Variants in TMEFF1 observed in about 807,000 individuals in gnomAD.
TMEFF1 encodes the protein transmembrane protein with EGF like and two follistatin like domains 1.
TMEFF1 carries 20 observed loss-of-function variants against 47.5 expected under a neutral mutation model. The observed-to-expected ratio is 0.42, with a 90% CI of 0.30 to 0.61. TMEFF1 has a LOEUF of 0.61. Among genes scored for constraint, TMEFF1 ranks in the 20% least tolerant of loss-of-function variants. TMEFF1 has a pLI of 0.19. For synonymous variants in TMEFF1, 162 were observed against 166.3 expected (o/e 0.97, Z 0.20); for missense variants, 411 against 471.1 (o/e 0.87, Z 1.18).
chr9:100,512,608 A>G (rs1407808535), intron 3 of TMEFF1, among the ~76,000 whole-genome samples: 1 of 152,144 alleles, frequency 6.6e-6, no homozygotes, highest in African/African-American at 2.4e-5. Flanking sequence ...TTCTGTGCTA[A>G]TATGTTGGTT....
chr9:100,491,862 C>A (rs1056006271), intron 1 of TMEFF1, among the ~76,000 whole-genome samples: 3 of 148,504 alleles, frequency 2.0e-5, no homozygotes, highest in Non-Finnish European at 4.5e-5. Context: ...TATAATTTTT[C>A]TTTGAGAATA....
At chr9:100,542,024 T>G (rs1347394109) in intron 5 of TMEFF1, among the ~76,000 whole-genome samples, 1 of 152,166 alleles carries the variant, frequency 6.6e-6, no homozygotes. Flanking sequence ...GAAAATGTGG[T>G]CAACTTAAAT....
chr9:100,532,797 A>T (rs539697089), intron 5 of TMEFF1, among the ~76,000 whole-genome samples: 87 of 152,246 alleles, frequency 5.7e-4, no homozygotes, highest in Non-Finnish European at 1.1e-3. Context: ...ACGTATGTTT[A>T]TTGCGTCATT....
intron 5 of TMEFF1, among the ~76,000 whole-genome samples, chr9:100,524,792 CG>C (rs989658422): frequency 6.6e-6 from 1 of 152,058 alleles, no homozygotes; most frequent in African/African-American, 2.4e-5. Context: ...ATGTGCACAA[CG>C]TGCAGATTTG....
At chr9:100,575,394 C>A (rs1030491316) in intron 9 of TMEFF1, among the ~76,000 whole-genome samples, 2 of 152,146 alleles carry the variant, frequency 1.3e-5, no homozygotes, top group African/African-American at 4.8e-5. Flanking sequence ...GATTTAAAAA[C>A]CATGGCACTA....
At chr9:100,572,436 T>C (rs1839259906) in intron 8 of TMEFF1, 82 bp from the exon 9 acceptor site, 1 of 1,384,244 alleles carries the variant, frequency 7.2e-7, no homozygotes, top group Non-Finnish European at 9.4e-7. Context: ...ATTTTATTAC[T>C]ATTTTGTATT....
At chr9:100,521,733 C>G (rs978198131) in intron 5 of TMEFF1, among the ~76,000 whole-genome samples, 2 of 152,346 alleles carry the variant, frequency 1.3e-5, no homozygotes, top group South Asian at 4.1e-4. Flanking sequence ...GTAGAATCAT[C>G]AGGCCTAATG....
At chr9:100,552,575 G>A (rs1446718499) in intron 7 of TMEFF1, among the ~76,000 whole-genome samples, 1 of 152,178 alleles carries the variant, frequency 6.6e-6, no homozygotes, top group Non-Finnish European at 1.5e-5. Flanking sequence ...TGGATATAGA[G>A]GTGATAACTG....
chr9:100,488,210 T>G (rs573989086), intron 1 of TMEFF1, among the ~76,000 whole-genome samples: 1 of 152,338 alleles, frequency 6.6e-6, no homozygotes, highest in Admixed American at 6.5e-5. Context: ...TATAACTGTA[T>G]GTATAGTTTT....
intron 5 of TMEFF1, among the ~76,000 whole-genome samples, chr9:100,536,553 A>T (rs1257009808): frequency 1.3e-5 from 2 of 152,242 alleles, no homozygotes; most frequent in Non-Finnish European, 2.9e-5. Context: ...TAATTTTGGT[A>T]ATGGGCAAGC....
intron 1 of TMEFF1, among the ~76,000 whole-genome samples, chr9:100,485,486 A>G (rs1238013139): frequency 1.3e-5 from 2 of 152,242 alleles, no homozygotes; most frequent in African/African-American, 2.4e-5. Context: ...ATGTGTGAAC[A>G]TTCCATTTTC....
At position 100,473,579 on chromosome 9, in the gene TMEFF1, T is replaced by C. The variant is rs745939497; in HGVS notation, c.35T>C (p.Leu12Pro). 9.0e-6 allele frequency: 14 copies of C among 1,547,602 alleles called. No individual in the cohort carries two copies. Among genetic ancestry groups the C allele is most frequent in the Non-Finnish European group, 1.2e-5 (14 of 1,148,868 alleles). The change falls in exon 1 of 10, where the codon CTG (leucine) becomes CCG (proline). Residue 12 changes from leucine (L) to proline (P), a missense_variant. By Grantham distance (98) the Leu-to-Pro change is moderately conservative. Coordinates refer to ENST00000374879, the MANE Select transcript of TMEFF1 (RefSeq NM_003692.5). The surrounding 1 kb of genome is among the most constrained non-coding windows in gnomAD (Gnocchi z 5.4). ...GCAGCCGCTGAGGCGCCGCTCCGGC[T>C]GCCTGCCGCGCCTCCGCTCGCCTTC... ...GAAAAEAPLR[L>P]PAAPPLAFCC...
chr9:100,558,177 T>G (rs1436974405), intron 7 of TMEFF1, among the ~76,000 whole-genome samples: 1 of 152,204 alleles, frequency 6.6e-6, no homozygotes, highest in East Asian at 1.9e-4. Context: ...CAGCTCTGCA[T>G]TATTCTTGAA....
At chr9:100,490,944 G>C (rs1837542705) in intron 1 of TMEFF1, among the ~76,000 whole-genome samples, 1 of 151,172 alleles carries the variant, frequency 6.6e-6, no homozygotes, top group African/African-American at 2.4e-5. Flanking sequence ...TTCAACTCCT[G>C]GTCCTTCTGC....
At chr9:100,575,587 T>C (rs778891620) in intron 9 of TMEFF1, among the ~76,000 whole-genome samples, 3 of 152,190 alleles carry the variant, frequency 2.0e-5, no homozygotes, top group Non-Finnish European at 4.4e-5. Flanking sequence ...TCAACACTTT[T>C]AGTCAAGGCA....
chr9:100,521,717 G>A (rs78837441), intron 5 of TMEFF1, among the ~76,000 whole-genome samples: 4,183 of 152,264 alleles, frequency 0.027, 104 homozygotes, highest in Non-Finnish European at 0.038. Flanking sequence ...ATGGTGTGAG[G>A]AGTCTGTAGA....
chr9:100,499,568 T>A (rs1434273602), intron 2 of TMEFF1, among the ~76,000 whole-genome samples: 1 of 152,194 alleles, frequency 6.6e-6, no homozygotes, highest in Admixed American at 6.5e-5. Context: ...CACAATTTTA[T>A]TCTAAACGTA....
intron 8 of TMEFF1, among the ~76,000 whole-genome samples, chr9:100,566,260 A>G (rs1215302167): frequency 6.6e-6 from 1 of 152,158 alleles, no homozygotes. Flanking sequence ...ACTTCCCATG[A>G]CATATGCTAA....
chr9:100,477,475 A>T (rs1340087360), intron 1 of TMEFF1, among the ~76,000 whole-genome samples: 1 of 152,186 alleles, frequency 6.6e-6, no homozygotes, highest in African/African-American at 2.4e-5. Flanking sequence ...AATAAAAAGC[A>T]CATGTTGTAT....
Sources: gnomAD v4.1 joint callset for allele counts (sites outside exome capture counted in the v4.1 genomes callset) on GRCh38, gnomAD v4.1.1 for gene constraint, Gnocchi (gnomAD v3.1) non-coding constraint, MANE v1.5 for transcripts, NCBI Gene and HGNC (gene_info 2026-07-23, HGNC 2026-07-21) for gene names.